The following OSBP2 variants were observed in gnomAD, a reference collection of about 807,000 sequenced individuals.
OSBP2 encodes the protein oxysterol binding protein 2, also known as oxysterol-binding protein 2.
OSBP2 carries 66 observed loss-of-function variants against 96.0 expected under a neutral mutation model. The ratio of observed to expected loss-of-function variants is 0.69; its 90% CI spans 0.56 to 0.84. OSBP2 has a LOEUF of 0.84. Among genes scored for constraint, OSBP2 ranks in the 40% least tolerant of loss-of-function variants. The pLI is 0.00. For synonymous variants in OSBP2, 525 were observed against 520.9 expected, an observed-to-expected ratio of 1.01 and a Z score of -0.11; for missense variants, 1,038 against 1,222.7, an observed-to-expected ratio of 0.85 and a Z score of 2.25.
At chr22:30,728,394 CAAAAAAAAA>C (rs34137723) in intron 1 of OSBP2, among the ~76,000 whole-genome samples, 1 of 131,956 alleles carries the variant, frequency 7.6e-6, no homozygotes, top group Admixed American at 8.0e-5. Flanking sequence ...GACTCCGTCT[CAAAAAAAAA>C]AAAAAAATAC....
rs925136135 is a variant in OSBP2, at chr22:30,893,252, G to T, written c.1990+10G>T. The T allele has an allele frequency of 1.2e-6, 2 of 1,613,884 alleles. No individual in the cohort carries two copies. Among genetic ancestry groups the T allele is most frequent in the Non-Finnish European group, 8.5e-7 (1 of 1,179,962 alleles). On this transcript the variant is annotated intron_variant, in intron 9 of 13. Coordinates refer to ENST00000332585, the MANE Select transcript of OSBP2 (RefSeq NM_030758.4). ...TCCATCATGCCGCTAGGTGAGCTGGGGCCCGGTGCCTTCCTGGGACACAGA... is the reference window on the plus strand; with the variant it reads ...TCCATCATGCCGCTAGGTGAGCTGGTGCCCGGTGCCTTCCTGGGACACAGA...
Position 30,893,619 on chromosome 22 carries a change from C to A in OSBP2, c.2095-19C>A. Reference sequence around the variant, plus strand: ...CATGGCCCGGGGGCTGGCCGCTGACCACTGCCCTCCTTCGCCAGTCAGGGG... The same window carrying A: ...CATGGCCCGGGGGCTGGCCGCTGACAACTGCCCTCCTTCGCCAGTCAGGGG... On this transcript the variant is annotated intron_variant, in intron 10 of 13. Transcript: ENST00000332585. 6.2e-7 allele frequency: 1 copy of A among 1,613,504 alleles called. No individual in the cohort carries two copies.
In OSBP2 at chr22:30,890,723, C is replaced by G; in HGVS notation, c.1624-5C>G. On this transcript the variant is annotated splice_region_variant and splice_polypyrimidine_tract_variant and intron_variant, in intron 7 of 13. Transcript: ENST00000332585. This position sits in a 1 kb window ranked among gnomAD's most constrained non-coding sequence, Gnocchi z 4.4. ...CAGCCTGACCACCCACCTGTCCACC[C>G]ACAGGTGAACTTCAATGAGCCCCTG... 1 of 1,611,582 alleles carries G rather than the reference C, an allele frequency of 6.2e-7. No individual in the cohort carries two copies. The highest frequency in any genetic ancestry group is 1.1e-5 in the South Asian group (1 of 91,074).
intron 2 of OSBP2, among the ~76,000 whole-genome samples, chr22:30,820,819 C>T (rs917553700): frequency 4.6e-5 from 7 of 152,140 alleles, no homozygotes; most frequent in Non-Finnish European, 7.3e-5. Flanking sequence ...CTTTCTATCC[C>T]CCTGCCCGGC....
chr22:30,840,722 C>T (rs780265940), intron 2 of OSBP2, among the ~76,000 whole-genome samples: 22 of 151,976 alleles, frequency 1.4e-4, no homozygotes, highest in Admixed American at 2.6e-4. Context: ...CCTATTTGTT[C>T]CTTTCTGTAT....
At chr22:30,877,926 C>T (rs117503661) in intron 3 of OSBP2, among the ~76,000 whole-genome samples, 3 of 152,340 alleles carry the variant, frequency 2.0e-5, no homozygotes, top group South Asian at 2.1e-4. Context: ...TTGTGGGCCC[C>T]GCACCCTCCT....
At chr22:30,788,123 G>A (rs1377587874) in intron 2 of OSBP2, among the ~76,000 whole-genome samples, 1 of 152,146 alleles carries the variant, frequency 6.6e-6, no homozygotes, top group Non-Finnish European at 1.5e-5. Flanking sequence ...AACTAGGGCT[G>A]TTGTGAGGAT....
At chr22:30,737,499 AT>A (rs961287336) in intron 1 of OSBP2, among the ~76,000 whole-genome samples, 4 of 147,362 alleles carry the variant, frequency 2.7e-5, no homozygotes, top group East Asian at 2.0e-4. Flanking sequence ...ATTAAAAAAA[AT>A]TTTTTTTTGT....
At chr22:30,708,787 C>A (rs2089298307) in intron 1 of OSBP2, among the ~76,000 whole-genome samples, 1 of 151,138 alleles carries the variant, frequency 6.6e-6, no homozygotes, top group African/African-American at 2.4e-5. Context: ...CCGTGCCCGG[C>A]CAAGGATAAG....
intron 2 of OSBP2, among the ~76,000 whole-genome samples, chr22:30,809,880 A>G (rs773384763): frequency 1.3e-5 from 2 of 152,128 alleles, no homozygotes; most frequent in Non-Finnish European, 2.9e-5. Context: ...ATAGGGACAC[A>G]AGGAGAAGGA....
At chr22:30,887,125 G>C (rs1038785086) in intron 3 of OSBP2, among the ~76,000 whole-genome samples, 12 of 152,304 alleles carry the variant, frequency 7.9e-5, no homozygotes, top group African/African-American at 2.9e-4. Context: ...GAACTGTGGC[G>C]CTGGTGGGAG....
chr22:30,707,506 A>C (rs560604547), intron 1 of OSBP2, among the ~76,000 whole-genome samples: 1 of 151,820 alleles, frequency 6.6e-6, no homozygotes, highest in Non-Finnish European at 1.5e-5. Flanking sequence ...CGAGGTCAGA[A>C]GATCGAGACC....
intron 12 of OSBP2, among the ~76,000 whole-genome samples, chr22:30,895,906 C>T: frequency 6.9e-6 from 1 of 145,818 alleles, no homozygotes; most frequent in African/African-American, 2.6e-5. Context: ...CCACTGCACT[C>T]TAGCCTGGGA....
At chr22:30,854,676 C>T (rs111766588) in intron 2 of OSBP2, among the ~76,000 whole-genome samples, 1 of 148,420 alleles carries the variant, frequency 6.7e-6, no homozygotes, top group Admixed American at 6.7e-5. Flanking sequence ...TATTTACTCA[C>T]ATATTTATCT....
rs760918468 is a variant in OSBP2, at chr22:30,906,122, G to C, written c.2608+53G>C. On this transcript the variant is annotated intron_variant, in intron 13 of 13. Coordinates refer to ENST00000332585, the MANE Select transcript of OSBP2 (RefSeq NM_030758.4). ...GAGGGGAGGAAAGGGGTGCCCGGGT[G>C]GGGGTGCCGCAGGGACGGATTCCGG... The C allele has an allele frequency of 2.5e-6, 4 of 1,607,600 alleles. No individual in the cohort carries two copies. In the East Asian group the frequency reaches 8.9e-5, roughly 36 times the overall value.
At chr22:30,717,088 TTTTGTGTGTGTG>T (rs1877157360) in intron 1 of OSBP2, among the ~76,000 whole-genome samples, 1 of 100,632 alleles carries the variant, frequency 9.9e-6, no homozygotes, top group Admixed American at 1.0e-4. Flanking sequence ...ATTTTACTGT[TTTTGTGTGTGTG>T]TGTGTGTGTG....
chr22:30,817,577 G>A (rs764893662), intron 2 of OSBP2, among the ~76,000 whole-genome samples: 1 of 152,250 alleles, frequency 6.6e-6, no homozygotes, highest in Non-Finnish European at 1.5e-5. Context: ...GCAGACAGAA[G>A]GGAACAGTGA....
chr22:30,784,357 G>A (rs1266920470), intron 2 of OSBP2, among the ~76,000 whole-genome samples: 1 of 151,976 alleles, frequency 6.6e-6, no homozygotes, highest in African/African-American at 2.4e-5. Context: ...AGGCCCAAGT[G>A]ATCCTCTCAC....
In OSBP2 at chr22:30,893,139, C is replaced by T. The variant is rs200850356; in HGVS notation, c.1887C>T (p.Pro629=). ...SLCEQVSHHP[P]SAAHYVFSKH... ...GGTCTCAGGTGAGCCACCACCCCCC[C>T]TCAGCTGCGCACTACGTGTTCTCCA... is the stretch of plus-strand genomic sequence containing the variant. Residue 629 remains proline, a synonymous_variant, in exon 9 of 14, where the codon CCC becomes CCT. Coordinates refer to ENST00000332585, the MANE Select transcript of OSBP2 (RefSeq NM_030758.4). 164 of 1,614,076 alleles carry T rather than the reference C, an allele frequency of 1.0e-4. No individual in the cohort carries two copies. The African/African-American group carries it at 1.1e-3, about 11-fold the overall frequency.
Sources: gnomAD v4.1 joint callset for allele counts (sites outside exome capture counted in the v4.1 genomes callset) on GRCh38, gnomAD v4.1.1 for gene constraint, Gnocchi (gnomAD v3.1) non-coding constraint, MANE v1.5 for transcripts, NCBI Gene and HGNC (gene_info 2026-07-23, HGNC 2026-07-21) for gene names.